The following MYO18B variants were observed in gnomAD, a reference collection of about 807,000 sequenced individuals.
MYO18B encodes the protein myosin XVIIIB, also known as unconventional myosin-XVIIIb.
In MYO18B, 204 loss-of-function variants were observed where a neutral mutation model predicts 273.0. That is an observed-to-expected ratio of 0.75 (90% CI 0.67 to 0.84). MYO18B has a LOEUF of 0.84. MYO18B is among the 40% of genes least tolerant of loss of function. MYO18B has a pLI of 0.00. For missense variants in MYO18B, 3,212 were observed against 3,287.6 expected (o/e 0.98, Z 0.56); for synonymous variants, 1,330 against 1,305.7 (o/e 1.02, Z -0.40).
At chr22:25,801,971 G>T (rs2145781016) in intron 12 of MYO18B, among the ~76,000 whole-genome samples, 1 of 152,248 alleles carries the variant, frequency 6.6e-6, no homozygotes, top group Admixed American at 6.5e-5. Context: ...CTGTGTTCCT[G>T]CCTATGGCAG....
intron 25 of MYO18B, among the ~76,000 whole-genome samples, chr22:25,879,883 G>C (rs2091292473): frequency 6.6e-6 from 1 of 152,156 alleles, no homozygotes; most frequent in African/African-American, 2.4e-5. Flanking sequence ...GAGTGAGAAG[G>C]GGGAGGTGCT....
At chr22:25,785,856 G>C (rs933791801) in intron 11 of MYO18B, among the ~76,000 whole-genome samples, 62 of 152,122 alleles carry the variant, frequency 4.1e-4, no homozygotes, top group African/African-American at 1.4e-3. Flanking sequence ...CTGCCTCATA[G>C]GGTTGTTGTG....
At chr22:25,950,314 A>C in intron 36 of MYO18B, 53 bp from the exon 37 acceptor site, 1 of 1,479,658 alleles carries the variant, frequency 6.8e-7, no homozygotes, top group Non-Finnish European at 9.2e-7. Context: ...GTTTCCCAGC[A>C]AGGCTTGTGG....
intron 34 of MYO18B, among the ~76,000 whole-genome samples, chr22:25,944,646 A>G (rs1280270159): frequency 6.6e-6 from 1 of 152,070 alleles, no homozygotes; most frequent in African/African-American, 2.4e-5. Flanking sequence ...TCAGGAGTTC[A>G]AGACCAGCCT....
chr22:25,838,791 T>C (rs1006173035), intron 17 of MYO18B, among the ~76,000 whole-genome samples: 1 of 152,104 alleles, frequency 6.6e-6, no homozygotes. Context: ...TTAGAACATA[T>C]CTCCATTGTA....
chr22:25,883,039 G>T lies in MYO18B; in HGVS notation c.4314+4991G>T, dbSNP rs913180996. 2.0e-5 allele frequency among the ~76,000 whole-genome samples: 3 copies of T among 152,222 alleles called. No homozygotes were observed. In the East Asian group the frequency reaches 5.8e-4, roughly 29 times the overall value. On this transcript the variant is annotated intron_variant, in intron 25 of 43. Coordinates refer to ENST00000335473, the MANE Select transcript of MYO18B (RefSeq NM_032608.7). This position sits in a 1 kb window ranked among gnomAD's most constrained non-coding sequence, Gnocchi z 7.6. The stretch of plus-strand genomic sequence containing the variant: ...AGCCTCCCATGTAGCCAGGACCACA[G>T]GCGTGCATCACCATGCCTGGCTGTT...
At chr22:26,057,697 T>G in the MYO18B span, among the ~76,000 whole-genome samples, 1 of 152,228 alleles carries the variant, frequency 6.6e-6, no homozygotes, top group Admixed American at 6.5e-5. Context: ...GGTTAAGTAT[T>G]GTTGTTTTGG....
intron 34 of MYO18B, among the ~76,000 whole-genome samples, chr22:25,935,822 G>A (rs2092569895): frequency 6.6e-6 from 1 of 152,192 alleles, no homozygotes; most frequent in Admixed American, 6.5e-5. Context: ...TGTGGACACT[G>A]TGGGTATCTG....
chr22:25,944,846 CAA>C (rs55989904), intron 34 of MYO18B, among the ~76,000 whole-genome samples: 872 of 75,586 alleles, frequency 0.012, 10 homozygotes, highest in South Asian at 0.053. Context: ...GACTCCATCT[CAA>C]AAAAAAAAAA....
chr22:26,032,958 AATTT>A (rs1936700294), downstream of MYO18B, among the ~76,000 whole-genome samples: 1 of 152,152 alleles, frequency 6.6e-6, no homozygotes, highest in African/African-American at 2.4e-5. Context: ...TTAATCTATT[AATTT>A]ATTATTCATA....
At position 25,769,199 on chromosome 22, in the gene MYO18B, C is replaced by T. The variant is rs569167835; in HGVS notation, c.1283C>T (p.Ser428Leu). Reference protein sequence around the residue: ...APKEVSTMVESPAAPGKGGWP... With the variant: ...APKEVSTMVELPAAPGKGGWP... ...AAGGAGGTGAGCACAATGGTGGAGT[C>T]GCCAGCAGCTCCTGGGAAGGGAGGC... Residue 428 changes from serine (S) to leucine (L), a missense_variant, in exon 4 of 44, where the codon TCG (serine) becomes TTG (leucine). Ser to Leu is a moderately radical substitution (Grantham distance 145). Transcript: ENST00000335473. 33 of 1,608,144 alleles carry T rather than the reference C, an allele frequency of 2.1e-5. No homozygotes were observed. Among genetic ancestry groups the T allele is most frequent in the Middle Eastern group, 1.7e-4 (1 of 6,050 alleles).
At chr22:25,840,590 C>T (rs1011445354) in intron 17 of MYO18B, among the ~76,000 whole-genome samples, 3 of 152,214 alleles carry the variant, frequency 2.0e-5, no homozygotes, top group Non-Finnish European at 4.4e-5. Context: ...GCACAGCTGG[C>T]GGGATGAGGT....
rs369440760 is a variant in MYO18B at position 25,955,307 on chromosome 22, C to T, written c.6099C>T (p.Ala2033=). 15 of 1,613,650 alleles carry T rather than the reference C, an allele frequency of 9.3e-6. No individual in the cohort carries two copies. The highest frequency in any genetic ancestry group is 3.3e-5 in the Admixed American group (2 of 59,994). ...AGCGGCGCCTGGAAGAGCTGAAGGC[C>T]GACATGGAAGAGCTGGTGCAGCGGG... The part of the protein sequence containing the change: ...YYQRRLEELK[A]DMEELVQREA... Residue 2033 remains alanine, a synonymous_variant, in exon 39 of 44, where the codon GCC becomes GCT. Coordinates refer to ENST00000335473, the MANE Select transcript of MYO18B (RefSeq NM_032608.7).
intron 34 of MYO18B, among the ~76,000 whole-genome samples, chr22:25,944,405 C>T (rs1001196053): frequency 2.0e-5 from 3 of 152,070 alleles, no homozygotes; most frequent in Non-Finnish European, 2.9e-5. Flanking sequence ...CTCTGAGCCC[C>T]GAATGTTTAC....
chr22:25,769,090 A>G lies in MYO18B; in HGVS notation c.1174A>G (p.Lys392Glu). ...TGKAGESWDKKEKMGQPQGKS... is the reference protein window; with the variant it reads ...TGKAGESWDKEEKMGQPQGKS... ...GAAGGCAGGTGAGTCCTGGGATAAGAAGGAAAAGATGGGGCAACCCCAGGG... is the reference window on the plus strand; with the variant it reads ...GAAGGCAGGTGAGTCCTGGGATAAGGAGGAAAAGATGGGGCAACCCCAGGG... The change falls in exon 4 of 44, where the codon AAG becomes GAG. Residue 392 changes from lysine to glutamate, a missense_variant. Physicochemically the swap from Lys to Glu is moderately conservative, Grantham distance 56. Transcript: ENST00000335473. 6.2e-7 allele frequency: 1 copy of G among 1,613,304 alleles called. No individual in the cohort carries two copies. The highest frequency in any genetic ancestry group is 8.5e-7 in the Non-Finnish European group (1 of 1,179,618).
At chr22:25,954,178 G>A (rs181619579) in intron 38 of MYO18B, among the ~76,000 whole-genome samples, 3 of 152,218 alleles carry the variant, frequency 2.0e-5, no homozygotes, top group Non-Finnish European at 4.4e-5. Flanking sequence ...AACAGTCTTT[G>A]GGTTTGTTTT....
intron 42 of MYO18B, among the ~76,000 whole-genome samples, chr22:26,008,893 G>T (rs1033399941): frequency 6.6e-6 from 1 of 152,100 alleles, no homozygotes; most frequent in Non-Finnish European, 1.5e-5. Flanking sequence ...CAACACATTG[G>T]GCTTCCTGAG....
intron 17 of MYO18B, 137 bp downstream of exon 17, chr22:25,835,580 T>C: frequency 9.5e-7 from 1 of 1,057,408 alleles, no homozygotes; most frequent in Non-Finnish European, 1.4e-6. Context: ...CATGAGCCTG[T>C]GTATGCTTTC....
chr22:25,817,257 CTT>C, intron 12 of MYO18B, among the ~76,000 whole-genome samples: 1 of 150,610 alleles, frequency 6.6e-6, no homozygotes, highest in Middle Eastern at 3.4e-3. Context: ...TTTCTTTCTT[CTT>C]TTTCTTTTTC....
Sources: gnomAD v4.1 joint callset for allele counts (sites outside exome capture counted in the v4.1 genomes callset) on GRCh38, gnomAD v4.1.1 for gene constraint, Gnocchi (gnomAD v3.1) non-coding constraint, MANE v1.5 for transcripts, NCBI Gene and HGNC (gene_info 2026-07-23, HGNC 2026-07-21) for gene names.